The following LOC128462377 variants were observed in gnomAD, a reference collection of about 807,000 sequenced individuals.
chr16:89,333,337 G>A, the LOC128462377 span, among the ~76,000 whole-genome samples: 3 of 152,210 alleles, frequency 2.0e-5, no homozygotes, highest in Non-Finnish European at 2.9e-5. Flanking sequence ...GAGAGTGGCC[G>A]TTTGTTACAG....
At chr16:89,382,061 G>C in the LOC128462377 span, among the ~76,000 whole-genome samples, 1 of 152,204 alleles carries the variant, frequency 6.6e-6, no homozygotes, top group African/African-American at 2.4e-5. Context: ...TGATGGGAAG[G>C]AGCCAGTGAA....
chr16:89,321,719 C>T, the LOC128462377 span, among the ~76,000 whole-genome samples: 26 of 152,168 alleles, frequency 1.7e-4, no homozygotes, highest in African/African-American at 6.0e-4. Flanking sequence ...AAAAAGACTT[C>T]TTTGGGGTTG....
the LOC128462377 span, among the ~76,000 whole-genome samples, chr16:89,398,086 A>G: frequency 6.6e-6 from 1 of 151,590 alleles, no homozygotes; most frequent in East Asian, 1.9e-4. Flanking sequence ...AAACAGCTGA[A>G]GATTACCTGT....
chr16:89,330,297 C>T, the LOC128462377 span, among the ~76,000 whole-genome samples: 1 of 152,072 alleles, frequency 6.6e-6, no homozygotes, highest in Non-Finnish European at 1.5e-5. Context: ...CCTGACAGCA[C>T]GCAGCTTCTG....
At chr16:89,367,312 C>T in the LOC128462377 span, among the ~76,000 whole-genome samples, 8 of 152,258 alleles carry the variant, frequency 5.3e-5, no homozygotes, top group Admixed American at 3.9e-4. Flanking sequence ...CCAGCAGTAC[C>T]GGGAGCCCCT....
chr16:89,399,145 G>C, the LOC128462377 span, among the ~76,000 whole-genome samples: 4 of 152,204 alleles, frequency 2.6e-5, no homozygotes, highest in African/African-American at 9.6e-5. Context: ...GGAGCATGAT[G>C]ACACAGCACG....
chr16:89,391,346 T>C, the LOC128462377 span, among the ~76,000 whole-genome samples: 1 of 149,480 alleles, frequency 6.7e-6, no homozygotes, highest in Non-Finnish European at 1.5e-5. Context: ...GGTGCTGGAG[T>C]GCTGGCAGTC....
At chr16:89,388,157 C>T in the LOC128462377 span, among the ~76,000 whole-genome samples, 2 of 152,160 alleles carry the variant, frequency 1.3e-5, no homozygotes, top group African/African-American at 4.8e-5. Flanking sequence ...AACATAACCA[C>T]AGTGAAATTA....
the LOC128462377 span, among the ~76,000 whole-genome samples, chr16:89,408,514 C>T: frequency 3.9e-5 from 6 of 152,224 alleles, no homozygotes; most frequent in Admixed American, 3.9e-4. Flanking sequence ...TCTGGCACAC[C>T]GCAGGCCAGC....
the LOC128462377 span, among the ~76,000 whole-genome samples, chr16:89,330,743 G>A: frequency 1.5e-5 from 2 of 132,968 alleles, no homozygotes; most frequent in African/African-American, 5.7e-5. Context: ...ACCTCATCCT[G>A]TTCCTCCTCG....
chr16:89,319,682 C>T, the LOC128462377 span, among the ~76,000 whole-genome samples: 1 of 152,258 alleles, frequency 6.6e-6, no homozygotes, highest in Non-Finnish European at 1.5e-5. Flanking sequence ...GCTGAGATGT[C>T]CTGCTGAAGC....
chr16:89,324,450 T>C, the LOC128462377 span: 1 of 460,740 alleles, frequency 2.2e-6, no homozygotes. Flanking sequence ...TGAGGGTTAC[T>C]ACTGAGTTTC....
chr16:89,349,803 C>T, the LOC128462377 span, among the ~76,000 whole-genome samples: 3 of 150,732 alleles, frequency 2.0e-5, no homozygotes, highest in South Asian at 6.3e-4. Context: ...AAACTAAAAA[C>T]TTTAGCTGCT....
chr16:89,343,882 G>A, the LOC128462377 span: 1 of 152,284 alleles, frequency 6.6e-6, no homozygotes, highest in Non-Finnish European at 1.5e-5. Context: ...TGGACCAACA[G>A]AGTAGGGAAA....
At chr16:89,376,629 G>C in the LOC128462377 span, among the ~76,000 whole-genome samples, 5 of 152,082 alleles carry the variant, frequency 3.3e-5, no homozygotes, top group Non-Finnish European at 5.9e-5. Context: ...GCAGAGACGA[G>C]GGTTTCACCA....
the LOC128462377 span, among the ~76,000 whole-genome samples, chr16:89,400,928 C>G: frequency 6.6e-6 from 1 of 152,270 alleles, no homozygotes; most frequent in Non-Finnish European, 1.5e-5. Context: ...CTCACAGGCT[C>G]CACCCTGCTC....
At chr16:89,324,124 C>G in the LOC128462377 span, 1 of 768,394 alleles carries the variant, frequency 1.3e-6, no homozygotes, top group Admixed American at 4.4e-5. Flanking sequence ...TGCCCCACGG[C>G]ACAACGCTCT....
chr16:89,353,285 T>A, the LOC128462377 span, among the ~76,000 whole-genome samples: 4 of 149,600 alleles, frequency 2.7e-5, no homozygotes, highest in Non-Finnish European at 4.4e-5. Context: ...GAGGTTGCAG[T>A]GAGCCAAGAT....
the LOC128462377 span, chr16:89,339,981 A>T: frequency 6.6e-6 from 1 of 152,334 alleles, no homozygotes; most frequent in South Asian, 2.1e-4. Context: ...ATCTGTGTGG[A>T]TACAGGCAGT....
Sources: gnomAD v4.1 joint callset for allele counts (sites outside exome capture counted in the v4.1 genomes callset) on GRCh38, gnomAD v4.1.1 for gene constraint, MANE v1.5 for transcripts.